NBPF15: variants seen among roughly 807,000 people sequenced by gnomAD.
NBPF15 encodes the protein NBPF family member NBPF15.
NBPF15 carries 74 observed loss-of-function variants against 62.2 expected under a neutral mutation model. The ratio of observed to expected loss-of-function variants is 1.19; its 90% CI spans 0.99 to 1.44. The LOEUF (loss-of-function observed/expected upper bound fraction) is 1.44, where lower values mean the gene tolerates loss of function less well. NBPF15 is among the 40% of genes most tolerant of loss of function. The probability of loss-of-function intolerance (pLI) is 0.00; values close to 1 mark genes in which losing one functional copy is unlikely to be tolerated. For synonymous variants in NBPF15, 244 were observed against 209.7 expected (o/e 1.16, Z -1.41); for missense variants, 790 against 550.0 (o/e 1.44, Z -4.36).
In NBPF15 at chr1:144,421,727, A is replaced by ATATT. The variant is rs1666163375; in HGVS notation, c.*1282_*1285dup. 6.7e-6 allele frequency: 1 copy of ATATT among 149,874 alleles called. No individual in the cohort carries two copies. Among genetic ancestry groups the ATATT allele is most frequent in the African/African-American group, 2.5e-5 (1 of 40,550 alleles). 9.3% of individuals were successfully genotyped at this position (149,874 alleles called of 1,614,324 possible). A position where few individuals can be genotyped will look rare whatever the true frequency, so the allele number is the denominator to read the frequency against. On this transcript the variant is annotated 3_prime_UTR_variant, in exon 22 of 22. Coordinates refer to ENST00000581897, the MANE Select transcript of NBPF15 (RefSeq NM_001385408.1). ...TAGAGGATGATCATTAGAATACAGGATATTTATACTCTTGAAAACCGCTTT... is the reference window on the plus strand; with the variant it reads ...TAGAGGATGATCATTAGAATACAGGATATTTATTTATACTCTTGAAAACCGCTTT...
chr1:144,440,926 C>G (rs1324361645), intron 6 of NBPF15, among the ~76,000 whole-genome samples: 1 of 151,854 alleles, frequency 6.6e-6, no homozygotes, highest in Non-Finnish European at 1.5e-5. Context: ...CCTCGGCCTC[C>G]CAAAGTGCTG....
At chr1:144,442,190 C>A (rs1479864866) in intron 6 of NBPF15, among the ~76,000 whole-genome samples, 2 of 95,818 alleles carry the variant, frequency 2.1e-5, no homozygotes, top group African/African-American at 4.5e-5. Context: ...AATATATATA[C>A]ACGTGTATAT....
chr1:144,438,904 A>G (rs1359900971), intron 8 of NBPF15, among the ~76,000 whole-genome samples: 6 of 151,926 alleles, frequency 3.9e-5, no homozygotes, highest in Non-Finnish European at 8.8e-5. Flanking sequence ...CCTCTTTAGC[A>G]ACAAGACTCT....
rs74519905 is a variant in NBPF15 at position 144,423,127 on chromosome 1, G to C, written c.1899C>G (p.Tyr633Ter). The change falls in exon 22 of 22, where the codon TAC (tyrosine) becomes TAG (stop). Residue 633 changes from tyrosine (Y) to a stop codon, truncating the protein, a stop_gained. Coordinates refer to ENST00000581897, the MANE Select transcript of NBPF15 (RefSeq NM_001385408.1). LOFTEE classifies it high-confidence loss of function. ...AGCTGATATGCTCTTCCTCAAATGA[G>C]TAAAACACACTTCTGTAGTGCTGGA... Reference protein sequence around the residue: ...DSFQHYRSVFYSFEEEHISFA... With the variant: ...DSFQHYRSVF 5.9e-5 allele frequency: 95 copies of C among 1,611,604 alleles called. No homozygotes were observed. The African/African-American group carries it at 1.2e-3, about 21-fold the overall frequency.
intron 4 of NBPF15, among the ~76,000 whole-genome samples, chr1:144,455,089 G>GAGGAAGGAAGGA (rs142085487): frequency 3.2e-4 from 45 of 140,038 alleles, no homozygotes; most frequent in African/African-American, 4.6e-4. Flanking sequence ...GGGAAGGAAG[G>GAGGAAGGAAGGA]AGGAAGGAAG....
intron 4 of NBPF15, among the ~76,000 whole-genome samples, chr1:144,452,364 C>G (rs1691731708): frequency 1.3e-5 from 2 of 151,872 alleles, no homozygotes; most frequent in Non-Finnish European, 2.9e-5. Context: ...CCCCAAAAAC[C>G]ATCCCTAGAA....
At chr1:144,437,217 A>C (rs1369234650) in intron 9 of NBPF15, 108 bp from the exon 10 acceptor site, 1 of 1,140,216 alleles carries the variant, frequency 8.8e-7, no homozygotes, top group Non-Finnish European at 1.3e-6. Flanking sequence ...ACCTCGAAGC[A>C]GAAGGTCAGC....
At chr1:144,458,923 C>T (rs1278263509) in intron 3 of NBPF15, among the ~76,000 whole-genome samples, 4 of 151,430 alleles carry the variant, frequency 2.6e-5, no homozygotes, top group African/African-American at 7.3e-5. Context: ...CTCCTATAGT[C>T]GCAGCTACTC....
chr1:144,430,869 A>C (rs1215712610), intron 13 of NBPF15, among the ~76,000 whole-genome samples: 1 of 152,062 alleles, frequency 6.6e-6, no homozygotes, highest in Non-Finnish European at 1.5e-5. Context: ...AACAGTGTAG[A>C]GAAGACCTTA....
intron 17 of NBPF15, 110 bp downstream of exon 17, chr1:144,426,937 T>C: frequency 1.6e-6 from 1 of 607,592 alleles, no homozygotes; most frequent in East Asian, 2.8e-5. Flanking sequence ...TCAGGAGGAG[T>C]AATTCAACCT....
chr1:144,441,846 T>A (rs868948300), intron 6 of NBPF15, among the ~76,000 whole-genome samples: 1 of 147,900 alleles, frequency 6.8e-6, no homozygotes, highest in African/African-American at 2.6e-5. Context: ...CACTCAAAAT[T>A]GTTTTACTTA....
At position 144,422,907 on chromosome 1, in the gene NBPF15, C is replaced by G. The variant is rs1307933095; in HGVS notation, c.*106G>C. On this transcript the variant is annotated 3_prime_UTR_variant, in exon 22 of 22. Coordinates refer to ENST00000581897, the MANE Select transcript of NBPF15 (RefSeq NM_001385408.1). ...AGGAATAGAGCCATGCTCACTGACC[C>G]ATCCTATGTCTGGGCTTCCAAATGG... The G allele has an allele frequency of 6.2e-7, 1 of 1,609,442 alleles. No individual in the cohort carries two copies. Among genetic ancestry groups the G allele is most frequent in the South Asian group, 1.1e-5 (1 of 90,432 alleles).
At chr1:144,431,543 G>T (rs1259612401) in intron 13 of NBPF15, among the ~76,000 whole-genome samples, 5 of 149,342 alleles carry the variant, frequency 3.3e-5, no homozygotes, top group African/African-American at 4.9e-5. Flanking sequence ...TGCACAACGT[G>T]CAGGTTAGTT....
At chr1:144,424,391 C>T (rs1267913525) in intron 20 of NBPF15, among the ~76,000 whole-genome samples, 1 of 151,690 alleles carries the variant, frequency 6.6e-6, no homozygotes, top group Non-Finnish European at 1.5e-5. Context: ...AATCTACAAA[C>T]CCTTGAGTCA....
At position 144,426,407 on chromosome 1, in the gene NBPF15, G is replaced by C. The variant is rs1553539256; in HGVS notation, c.1309C>G (p.Gln437Glu). Residue 437 changes from glutamine (Q) to glutamate (E), a missense_variant, in exon 18 of 22, where the codon CAG becomes GAG. By Grantham distance (29) the Gln-to-Glu change is conservative. Coordinates refer to ENST00000581897, the MANE Select transcript of NBPF15 (RefSeq NM_001385408.1). ...GAATAACATCTATCCAGTGAGTCCT[G>C]CAAGACTTCAGGCTCTTTCTCATCC... ...LLDEKEPEVL[Q>E]DSLDRCYSTP... The C allele has an allele frequency of 1.2e-6, 1 of 811,072 alleles. No individual in the cohort carries two copies. 50.2% of individuals were successfully genotyped at this position (811,072 alleles called of 1,614,324 possible). A position where few individuals can be genotyped will look rare whatever the true frequency, so the allele number is the denominator to read the frequency against.
At chr1:144,461,086 G>T (rs1571176486) in intron 1 of NBPF15, 125 bp from the exon 2 acceptor site, 1 of 151,236 alleles carries the variant, frequency 6.6e-6, no homozygotes, top group African/African-American at 2.4e-5. Context: ...TCGAGGGTGG[G>T]GTGCGGGGTC....
chr1:144,446,028 T>C (rs1219430482), intron 6 of NBPF15, among the ~76,000 whole-genome samples: 1 of 149,724 alleles, frequency 6.7e-6, no homozygotes, highest in Non-Finnish European at 1.5e-5. Context: ...GCTAATTTTT[T>C]GTATTTTTAG....
intron 19 of NBPF15, among the ~76,000 whole-genome samples, 197 bp from the exon 20 acceptor site, chr1:144,425,059 G>GACACACACACAC (rs199782361): frequency 4.3e-5 from 4 of 92,814 alleles, no homozygotes; most frequent in East Asian, 3.4e-4. Context: ...AAGACAGATA[G>GACACACACACAC]ACACACACAC....
In NBPF15 at chr1:144,434,980, C is replaced by T. The variant is rs1216167192; in HGVS notation, c.772+131G>A. 2.0e-5 allele frequency: 31 copies of T among 1,540,154 alleles called. 1 individual carries two copies. The Admixed American group carries it at 5.2e-4, about 26-fold the overall frequency. On this transcript the variant is annotated intron_variant, in intron 12 of 21. Coordinates refer to ENST00000581897, the MANE Select transcript of NBPF15 (RefSeq NM_001385408.1). ...ACATTAGCTGAGAAGGACAAAAAAACTCCCTGATATCTGTTTAGAAACCCA... is the reference window on the plus strand; with the variant it reads ...ACATTAGCTGAGAAGGACAAAAAAATTCCCTGATATCTGTTTAGAAACCCA...
Sources: allele counts gnomAD v4.1 joint callset (sites outside exome capture counted in the v4.1 genomes callset), GRCh38; gene constraint gnomAD v4.1.1; transcripts MANE v1.5; gene names NCBI Gene and HGNC (gene_info 2026-07-23, HGNC 2026-07-21).